Variants in CEACAM7 observed in about 807,000 individuals in gnomAD.
CEACAM7 encodes CEA cell adhesion molecule 7, also known as cell adhesion molecule CEACAM7.
CEACAM7 carries 24 observed loss-of-function variants against 25.7 expected under a neutral mutation model. The observed-to-expected ratio is 0.93, with a 90% CI of 0.68 to 1.31. CEACAM7 has a LOEUF of 1.31. Among genes scored for constraint, CEACAM7 ranks in the 40% most tolerant of loss-of-function variants. The pLI, the probability that CEACAM7 is intolerant of heterozygous loss-of-function variation, is 0.00. For synonymous variants in CEACAM7, 144 were observed against 129.4 expected (o/e 1.11, Z -0.77); for missense variants, 324 against 330.1 (o/e 0.98, Z 0.14).
At chr19:41,686,063 C>G in intron 2 of CEACAM7, among the ~76,000 whole-genome samples, 1 of 152,180 alleles carries the variant, frequency 6.6e-6, no homozygotes, top group East Asian at 1.9e-4. Flanking sequence ...GATGAGAGCC[C>G]TGTGTAGAAG....
chr19:41,684,788 T>C (rs1555811058), intron 2 of CEACAM7, among the ~76,000 whole-genome samples: 1 of 152,186 alleles, frequency 6.6e-6, no homozygotes, highest in African/African-American at 2.4e-5. Context: ...ATGTGTGTTA[T>C]GTTAGGAAAT....
intron 3 of CEACAM7, among the ~76,000 whole-genome samples, chr19:41,678,167 C>T (rs2072135186): frequency 6.6e-6 from 1 of 152,068 alleles, no homozygotes; most frequent in Admixed American, 6.6e-5. Flanking sequence ...TATTGCATGT[C>T]TAATCCCATC....
Position 41,674,630 on chromosome 19 carries a change from T to C in CEACAM7, c.*146A>G, listed in dbSNP as rs2072096034. The stretch of plus-strand genomic sequence containing the variant: ...TGAGGGTTTTTCCTTGAAATTTACA[T>C]TGAGTTGTCCACCTCCAGCTTATAG... On this transcript the variant is annotated 3_prime_UTR_variant, in exon 5 of 5. Coordinates refer to ENST00000401731, the MANE Select transcript of CEACAM7 (RefSeq NM_001291485.2). The C allele has an allele frequency of 2.9e-6, 1 of 350,248 alleles. No individual in the cohort carries two copies. Among genetic ancestry groups the C allele is most frequent in the Non-Finnish European group, 5.7e-6 (1 of 174,422 alleles). The allele number at this position is 350,248 out of a possible 1,614,324, so 21.7% of individuals were successfully genotyped here.
intron 2 of CEACAM7, among the ~76,000 whole-genome samples, chr19:41,685,077 C>T (rs980440940): frequency 7.9e-5 from 12 of 152,168 alleles, no homozygotes; most frequent in Non-Finnish European, 1.6e-4. Context: ...CTGCCTAGGC[C>T]GCTGCACCTG....
intron 3 of CEACAM7, among the ~76,000 whole-genome samples, 162 bp from the exon 4 acceptor site, chr19:41,677,665 G>T (rs2072129439): frequency 6.6e-6 from 1 of 152,166 alleles, no homozygotes; most frequent in Non-Finnish European, 1.5e-5. Flanking sequence ...CTAAATTCTT[G>T]CAGGTTTTTT....
chr19:41,684,245 T>C (rs546974997), intron 2 of CEACAM7, among the ~76,000 whole-genome samples, 182 bp from the exon 3 acceptor site: 2 of 152,314 alleles, frequency 1.3e-5, no homozygotes, highest in East Asian at 3.9e-4. Flanking sequence ...ACTGTGAGGC[T>C]GCCTGATTTG....
At chr19:41,677,594 A>G in intron 3 of CEACAM7, 91 bp from the exon 4 acceptor site, 1 of 866,794 alleles carries the variant, frequency 1.2e-6, no homozygotes, top group Admixed American at 2.0e-5. Flanking sequence ...AGTCGTTTCT[A>G]TTTGTTCCTT....
chr19:41,681,638 C>T (rs2072176719), intron 3 of CEACAM7, among the ~76,000 whole-genome samples: 1 of 152,204 alleles, frequency 6.6e-6, no homozygotes, highest in African/African-American at 2.4e-5. Flanking sequence ...AGCATTTACA[C>T]ACTCATGAGA....
In CEACAM7 at chr19:41,677,390, T is replaced by C; in HGVS notation, c.*22A>G. 1 of 1,573,884 alleles carries C rather than the reference T, an allele frequency of 6.4e-7. No individual in the cohort carries two copies. The highest frequency in any genetic ancestry group is 8.7e-7 in the Non-Finnish European group (1 of 1,143,540). ...ATAATACCTACCACTCTTCCCGAAA[T>C]GCAGAAACTACACCAAGGCTGCTAT... is the stretch of plus-strand genomic sequence containing the variant. On this transcript the variant is annotated 3_prime_UTR_variant, in exon 4 of 5. Coordinates refer to ENST00000401731, the MANE Select transcript of CEACAM7 (RefSeq NM_001291485.2).
intron 3 of CEACAM7, among the ~76,000 whole-genome samples, chr19:41,679,127 A>G (rs533345146): frequency 6.6e-6 from 1 of 152,354 alleles, no homozygotes; most frequent in South Asian, 2.1e-4. Context: ...TAGATCGACT[A>G]AGAAAAAAAA....
In CEACAM7 at chr19:41,686,913, C is replaced by G. The variant is rs148268768; in HGVS notation, c.373G>C (p.Val125Leu). 16 of 1,554,872 alleles carry G rather than the reference C, an allele frequency of 1.0e-5. No individual in the cohort carries two copies. The highest frequency in any genetic ancestry group is 4.1e-5 in the African/African-American group (3 of 72,532). Residue 125 changes from valine to leucine, a missense_variant, in exon 2 of 5, where the codon GTT (valine) becomes CTT (leucine). By Grantham distance (32) the Val-to-Leu change is conservative (BLOSUM62 1). Coordinates refer to ENST00000401731, the MANE Select transcript of CEACAM7 (RefSeq NM_001291485.2). Reference protein sequence around the residue: ...HNDAGIYTLHVIKENLVNEEV... With the variant: ...HNDAGIYTLHLIKENLVNEEV... Reference sequence around the variant, plus strand: ...TCATTCACAAGATTTTCTTTTATAACGTGTAGGGTATAGATTCCTGCGTCA... The same window carrying G: ...TCATTCACAAGATTTTCTTTTATAAGGTGTAGGGTATAGATTCCTGCGTCA...
intron 4 of CEACAM7, among the ~76,000 whole-genome samples, chr19:41,676,496 G>A (rs2072114914): frequency 6.6e-6 from 1 of 152,210 alleles, no homozygotes; most frequent in African/African-American, 2.4e-5. Context: ...AAAGCACTGG[G>A]ATGACAGTTG....
At chr19:41,686,350 C>A (rs1389204119) in intron 2 of CEACAM7, among the ~76,000 whole-genome samples, 1 of 152,064 alleles carries the variant, frequency 6.6e-6, no homozygotes, top group Non-Finnish European at 1.5e-5. Flanking sequence ...AGGCTGGTGA[C>A]CAGCTCCATG....
intron 4 of CEACAM7, among the ~76,000 whole-genome samples, chr19:41,676,400 G>A (rs2072114130): frequency 6.6e-6 from 1 of 152,034 alleles, no homozygotes; most frequent in South Asian, 2.1e-4. Flanking sequence ...TTGCTCTGTG[G>A]CCCAAGTTGG....
Position 41,683,785 on chromosome 19 carries a change from A to G in CEACAM7, c.706T>C (p.Tyr236His), listed in dbSNP as rs16975478. The G allele has an allele frequency of 7.7e-3, 12,502 of 1,614,004 alleles. 649 individuals are homozygous for G. The African/African-American group carries it at 0.13, about 16-fold the overall frequency. ...CCACAGAGGAACAGAAGATACTCACAGCGGACATTCAGGGTGACTGGGTCA... is the reference window on the plus strand; with the variant it reads ...CCACAGAGGAACAGAAGATACTCACGGCGGACATTCAGGGTGACTGGGTCA... Reference protein sequence around the residue: ...RSDPVTLNVRYESVQASSPDL... With the variant: ...RSDPVTLNVRHESVQASSPDL... Residue 236 changes from tyrosine to histidine, a missense_variant and splice_region_variant, in exon 3 of 5, where the codon TAT (tyrosine) becomes CAT (histidine). Physicochemically the swap from Tyr to His is moderately conservative, Grantham distance 83. Transcript: ENST00000401731.
intron 3 of CEACAM7, among the ~76,000 whole-genome samples, chr19:41,679,629 C>CTTCG (rs1491175182): frequency 6.6e-6 from 1 of 151,440 alleles, no homozygotes; most frequent in Non-Finnish European, 1.5e-5. Flanking sequence ...GTAAAATTAA[C>CTTCG]TTTGCAGATG....
chr19:41,682,331 C>G (rs782286560), intron 3 of CEACAM7, among the ~76,000 whole-genome samples: 5 of 150,996 alleles, frequency 3.3e-5, no homozygotes, highest in African/African-American at 9.9e-5. Context: ...CTCTTATCCT[C>G]GCTATAAATA....
chr19:41,683,362 A>T (rs998081645), intron 3 of CEACAM7, among the ~76,000 whole-genome samples: 1 of 152,162 alleles, frequency 6.6e-6, no homozygotes, highest in African/African-American at 2.4e-5. Flanking sequence ...CGTAAGATAT[A>T]ACTGGGGTAG....
At chr19:41,688,000 C>A in intron 1 of CEACAM7, 102 bp downstream of exon 1, 1 of 966,110 alleles carries the variant, frequency 1.0e-6, no homozygotes, top group Non-Finnish European at 1.5e-6. Flanking sequence ...AGGACTTCAA[C>A]AGAAGCCCTT....
Sources: gnomAD v4.1 joint callset for allele counts (sites outside exome capture counted in the v4.1 genomes callset) on GRCh38, gnomAD v4.1.1 for gene constraint, MANE v1.5 for transcripts, NCBI Gene and HGNC (gene_info 2026-07-23, HGNC 2026-07-21) for gene names.